ELOVL6: variants seen among roughly 807,000 people sequenced by gnomAD.
ELOVL6 encodes the protein ELOVL fatty acid elongase 6.
A neutral mutation model predicts 31.7 loss-of-function variants in ELOVL6; 8 were observed. The observed-to-expected ratio is 0.25, with a 90% CI of 0.15 to 0.45. The LOEUF is 0.45. Among genes scored for constraint, ELOVL6 ranks in the 20% least tolerant of loss-of-function variants. The pLI, the probability that ELOVL6 is intolerant of heterozygous loss-of-function variation, is 1.00. For synonymous variants in ELOVL6, 101 were observed against 117.7 expected (o/e 0.86, Z 0.92); for missense variants, 126 against 326.4 (o/e 0.39, Z 4.73).
chr4:110,051,422 C>T lies in ELOVL6; in HGVS notation c.714G>A (p.Met238Ile), dbSNP rs1164428495. The change falls in exon 4 of 4, where the codon ATG becomes ATA. Residue 238 changes from methionine (M) to isoleucine (I), a missense_variant. Transcript: ENST00000302274. This position sits in a 1 kb window ranked among gnomAD's most constrained non-coding sequence, Gnocchi z 4.8. ...AGAAGAGCACAAGGTAGCTGAGGTA[C>T]ATGAGTGAGGACCAGAAGATGTTCT... ...HFQNIFWSSL[M>I]YLSYLVLFCH... 1 of 1,614,064 alleles carries T rather than the reference C, an allele frequency of 6.2e-7. No individual in the cohort carries two copies.
At chr4:110,074,662 C>T (rs6858695) in intron 2 of ELOVL6, among the ~76,000 whole-genome samples, 88,543 of 152,000 alleles carry the variant, frequency 0.58, 27,887 homozygotes, top group African/African-American at 0.83. Flanking sequence ...TATTATAGTA[C>T]GCCAGATGGT....
intron 1 of ELOVL6, among the ~76,000 whole-genome samples, chr4:110,120,998 G>A (rs1338728790): frequency 1.3e-5 from 2 of 151,816 alleles, no homozygotes; most frequent in East Asian, 1.9e-4. Context: ...ACAGGGCTTC[G>A]CCACGTTGGC....
At chr4:110,167,791 C>T (rs1020925981) in intron 1 of ELOVL6, among the ~76,000 whole-genome samples, 2 of 152,160 alleles carry the variant, frequency 1.3e-5, no homozygotes, top group Non-Finnish European at 2.9e-5. Context: ...CCACCCTGGC[C>T]TCCCAAAGTG....
chr4:110,048,535 G>A lies in ELOVL6; in HGVS notation c.*2803C>T, dbSNP rs1246693872. 1 of 152,076 alleles carries A rather than the reference G, an allele frequency of 6.6e-6. No homozygotes were observed. The highest frequency in any genetic ancestry group is 1.5e-5 in the Non-Finnish European group (1 of 68,010). 9.4% of individuals were successfully genotyped at this position (152,076 alleles called of 1,614,324 possible). The stretch of plus-strand genomic sequence containing the variant: ...AAAACTTGCCTGCCCAAGTTTTTCT[G>A]GAATGTTAACTGGCAGCAGGATTAT... On this transcript the variant is annotated 3_prime_UTR_variant, in exon 4 of 4. Coordinates refer to ENST00000302274, the MANE Select transcript of ELOVL6 (RefSeq NM_024090.3).
At chr4:110,127,208 A>G (rs537601914) in intron 1 of ELOVL6, among the ~76,000 whole-genome samples, 1 of 152,136 alleles carries the variant, frequency 6.6e-6, no homozygotes, top group African/African-American at 2.4e-5. Flanking sequence ...GGAGTTCGAG[A>G]CCAGCCTGAC....
intron 1 of ELOVL6, among the ~76,000 whole-genome samples, chr4:110,163,147 C>A (rs1443747273): frequency 1.3e-5 from 2 of 152,224 alleles, no homozygotes; most frequent in Non-Finnish European, 2.9e-5. Flanking sequence ...CAGAAGCCTA[C>A]TTGGGTGCGA....
chr4:110,064,240 T>C (rs1306450168), intron 2 of ELOVL6, among the ~76,000 whole-genome samples: 1 of 150,736 alleles, frequency 6.6e-6, no homozygotes, highest in African/African-American at 2.4e-5. Flanking sequence ...AGCAAGGCGA[T>C]GAGGAGGTGG....
chr4:110,170,678 C>T (rs1279954100), intron 1 of ELOVL6, among the ~76,000 whole-genome samples: 1 of 152,128 alleles, frequency 6.6e-6, no homozygotes, highest in African/African-American at 2.4e-5. Context: ...GTGTTCTTAA[C>T]CACAAGATTA....
chr4:110,146,898 G>A (rs990115069), intron 1 of ELOVL6: 3 of 152,410 alleles, frequency 2.0e-5, no homozygotes, highest in Non-Finnish European at 2.9e-5. Flanking sequence ...GCTGAGGCAG[G>A]AGAATTGCTT....
chr4:110,094,830 CAG>C (rs35201841), intron 2 of ELOVL6, among the ~76,000 whole-genome samples: 1,594 of 152,130 alleles, frequency 0.01, 26 homozygotes, highest in African/African-American at 0.036. Flanking sequence ...GCAAGAAATA[CAG>C]AGTGAAAAAG....
chr4:110,161,233 T>C (rs942263085), intron 1 of ELOVL6, among the ~76,000 whole-genome samples: 1 of 152,230 alleles, frequency 6.6e-6, no homozygotes, highest in Admixed American at 6.5e-5. Context: ...TGTCTGTGTA[T>C]GTATAAAATA....
intron 1 of ELOVL6, among the ~76,000 whole-genome samples, chr4:110,106,823 C>A (rs190053038): frequency 3.9e-5 from 6 of 152,206 alleles, no homozygotes; most frequent in African/African-American, 1.4e-4. Context: ...CACTCTGGTA[C>A]AAATGCCTCT....
intron 1 of ELOVL6, among the ~76,000 whole-genome samples, chr4:110,135,468 T>C (rs545683422): frequency 6.6e-6 from 1 of 152,278 alleles, no homozygotes; most frequent in South Asian, 2.1e-4. Context: ...AAATTATAAT[T>C]TAGTTGGCAA....
At chr4:110,112,735 G>A (rs1313816283) in intron 1 of ELOVL6, among the ~76,000 whole-genome samples, 2 of 151,970 alleles carry the variant, frequency 1.3e-5, no homozygotes, top group East Asian at 1.9e-4. Flanking sequence ...TTAGCTGGGT[G>A]TGGTGGTACA....
chr4:110,083,987 C>CATATGTTATATAT (rs1560813354), intron 2 of ELOVL6, among the ~76,000 whole-genome samples: 1 of 6,914 alleles, frequency 1.4e-4, no homozygotes, highest in African/African-American at 4.7e-4. Flanking sequence ...ATGCCATATA[C>CATATGTTATATAT]GATATATAAC....
intron 1 of ELOVL6, among the ~76,000 whole-genome samples, chr4:110,125,669 T>A (rs1185517409): frequency 6.8e-6 from 1 of 147,646 alleles, no homozygotes; most frequent in African/African-American, 2.5e-5. Flanking sequence ...AAAAAAAAAA[T>A]AAAAAAAATT....
chr4:110,072,320 A>G (rs1194350889), intron 2 of ELOVL6, among the ~76,000 whole-genome samples: 1 of 152,224 alleles, frequency 6.6e-6, no homozygotes, highest in East Asian at 1.9e-4. Flanking sequence ...TACTAAAAAT[A>G]CAAAAATTAG....
intron 1 of ELOVL6, among the ~76,000 whole-genome samples, chr4:110,155,600 T>C (rs1331559541): frequency 6.6e-6 from 1 of 152,178 alleles, no homozygotes; most frequent in Non-Finnish European, 1.5e-5. Context: ...TGCCATTCTT[T>C]CCAGACAGTA....
In ELOVL6 at chr4:110,084,160, A is replaced by AACT. The variant is rs1560814291; in HGVS notation, c.221+21336_221+21337insAGT. Among the ~76,000 whole-genome samples the AACT allele has an allele frequency of 1.0e-4, 11 of 109,460 alleles. 2 individuals are homozygous for AACT. Among genetic ancestry groups the AACT allele is most frequent in the African/African-American group, 5.2e-4 (10 of 19,058 alleles). The allele number at this position is 109,460 out of a possible 152,430, so 71.8% of individuals were successfully genotyped here. A position where few individuals can be genotyped will look rare whatever the true frequency, so the allele number is the denominator to read the frequency against. On this transcript the variant is annotated intron_variant, in intron 2 of 3. Transcript: ENST00000302274. ...ATGATATATATGATATATATAACAT[A>AACT]TATGTGATATATATGATATATATAA...
Sources: gnomAD v4.1 joint callset for allele counts (sites outside exome capture counted in the v4.1 genomes callset) on GRCh38, gnomAD v4.1.1 for gene constraint, Gnocchi (gnomAD v3.1) non-coding constraint, MANE v1.5 for transcripts, NCBI Gene and HGNC (gene_info 2026-07-23, HGNC 2026-07-21) for gene names.